Variants in SOX6 observed in about 807,000 individuals in gnomAD.
SOX6 encodes SRY-box transcription factor 6.
Under a neutral mutation model 97.8 loss-of-function variants are expected in SOX6, and 11 were observed. That is an observed-to-expected ratio of 0.11 (90% confidence interval 0.07 to 0.19). The LOEUF (loss-of-function observed/expected upper bound fraction) is 0.19. SOX6 is among the 10% of genes least tolerant of loss of function. The probability of loss-of-function intolerance (pLI) is 1.00; values close to 1 mark genes in which losing one functional copy is unlikely to be tolerated. For missense variants in SOX6, 810 were observed against 1,039.5 expected, an observed-to-expected ratio of 0.78 and a Z score of 3.04; for synonymous variants, 360 against 371.4, an observed-to-expected ratio of 0.97 and a Z score of 0.35.
intron 3 of SOX6, among the ~76,000 whole-genome samples, chr11:16,656,335 C>T (rs772173697): frequency 3.9e-5 from 6 of 152,114 alleles, no homozygotes; most frequent in Non-Finnish European, 7.3e-5. Flanking sequence ...CTCGGCCTCC[C>T]AAAGTGCTGG....
intron 4 of SOX6, among the ~76,000 whole-genome samples, chr11:16,587,470 TAGGTAC>T (rs1202663560): frequency 6.6e-6 from 1 of 152,220 alleles, no homozygotes; most frequent in Non-Finnish European, 1.5e-5. Context: ...AAATAGTATA[TAGGTAC>T]TATTATTATC....
At chr11:16,036,010 T>C (rs1008099071) in intron 12 of SOX6, among the ~76,000 whole-genome samples, 8 of 152,038 alleles carry the variant, frequency 5.3e-5, no homozygotes, top group African/African-American at 1.7e-4. Context: ...TCACTTCTGT[T>C]TCTTCATCTA....
chr11:16,136,007 A>C (rs142587117), intron 6 of SOX6, among the ~76,000 whole-genome samples: 44 of 152,266 alleles, frequency 2.9e-4, no homozygotes, highest in Non-Finnish European at 5.7e-4. Context: ...TGACTTGCTG[A>C]AGGCTCAAAT....
At chr11:16,079,535 A>T (rs1193669986) in intron 9 of SOX6, among the ~76,000 whole-genome samples, 1 of 152,176 alleles carries the variant, frequency 6.6e-6, no homozygotes, top group Non-Finnish European at 1.5e-5. Context: ...AAATAATAAT[A>T]CATAGATTTA....
chr11:16,132,453 A>AAAG (rs1849831358), intron 6 of SOX6, among the ~76,000 whole-genome samples: 1 of 113,878 alleles, frequency 8.8e-6, no homozygotes, highest in African/African-American at 3.6e-5. Context: ...AAAAAGAAAG[A>AAAG]AAGAAAGAAA....
chr11:16,673,008 G>A lies in SOX6; in HGVS notation n.429+41822C>T, dbSNP rs141042796. Among the ~76,000 whole-genome samples, 88 of 152,236 alleles carry A rather than the reference G, an allele frequency of 5.8e-4. 1 individual carries two copies. Among genetic ancestry groups the A allele is most frequent in the African/African-American group, 2.0e-3 (82 of 41,514 alleles). On this transcript the variant is annotated intron_variant and non_coding_transcript_variant, in intron 3 of 5. Transcript: ENST00000524520. ...CTAAATATATACACAGCAGGCGGAG[G>A]TTGCAGTTAGCTGAGATCATGCCAC...
intron 1 of SOX6, among the ~76,000 whole-genome samples, chr11:16,415,001 T>C (rs1359629276): frequency 6.6e-6 from 1 of 152,180 alleles, no homozygotes; most frequent in African/African-American, 2.4e-5. Context: ...ATATTCACAA[T>C]GTATGAATAA....
chr11:16,055,699 T>A, intron 10 of SOX6, 53 bp downstream of exon 10: 2 of 1,611,532 alleles, frequency 1.2e-6, no homozygotes, highest in East Asian at 4.5e-5. Context: ...TCACTATCTT[T>A]CTTGTGAAAC....
At chr11:16,053,082 C>T (rs78900531) in intron 10 of SOX6, among the ~76,000 whole-genome samples, 1,971 of 152,212 alleles carry the variant, frequency 0.013, 41 homozygotes, top group African/African-American at 0.045. Context: ...CTCACAAATT[C>T]CATCTGCATT....
intron 13 of SOX6, among the ~76,000 whole-genome samples, chr11:15,993,384 T>G (rs960265161): frequency 6.6e-6 from 1 of 152,216 alleles, no homozygotes; most frequent in Non-Finnish European, 1.5e-5. Context: ...CATAATTCTA[T>G]GAGGCAGCTT....
At chr11:16,594,288 A>G (rs1589999047) in intron 4 of SOX6, among the ~76,000 whole-genome samples, 1 of 152,342 alleles carries the variant, frequency 6.6e-6, no homozygotes, top group Middle Eastern at 3.4e-3. Flanking sequence ...TTCAGTGTAC[A>G]TGAGCCCACA....
Position 16,569,868 on chromosome 11 carries a change from C to CAAAAAAAAAAAAAAAAAAAAAAA in SOX6, n.609+42212_609+42213insTTTTTTTTTTTTTTTTTTTTTTT, listed in dbSNP as rs34604334. On this transcript the variant is annotated intron_variant and non_coding_transcript_variant, in intron 4 of 5. Transcript: ENST00000524520. ...TGGGTGACTGATCAAGACTCCGTCT[C>CAAAAAAAAAAAAAAAAAAAAAAA]AAAAAAAAAAAAAAAAAGATATACT... is the stretch of plus-strand genomic sequence containing the variant. Among the ~76,000 whole-genome samples the CAAAAAAAAAAAAAAAAAAAAAAA allele has an allele frequency of 2.0e-3, 169 of 84,706 alleles. 10 individuals are homozygous for CAAAAAAAAAAAAAAAAAAAAAAA. Among genetic ancestry groups the CAAAAAAAAAAAAAAAAAAAAAAA allele is most frequent in the African/African-American group, 6.7e-3 (107 of 16,078 alleles). 55.6% of individuals were successfully genotyped at this position (84,706 alleles called of 152,430 possible). A position where few individuals can be genotyped will look rare whatever the true frequency, so the allele number is the denominator to read the frequency against.
intron 12 of SOX6, among the ~76,000 whole-genome samples, chr11:16,031,721 G>A (rs1167273589): frequency 2.6e-5 from 4 of 152,048 alleles, no homozygotes; most frequent in Admixed American, 2.6e-4. Context: ...AGGAGAGAGG[G>A]AGGGTGGAAA....
chr11:16,659,721 T>C (rs1159783995), intron 3 of SOX6, among the ~76,000 whole-genome samples: 3 of 152,164 alleles, frequency 2.0e-5, no homozygotes, highest in Non-Finnish European at 4.4e-5. Context: ...TTTTTTTCTT[T>C]TTTCACTGGT....
rs1853348441 is a variant in SOX6 at position 15,972,592 on chromosome 11, TA to T, written c.*216del. ...ATATTTAATATGTCTTCACCTAAAT[TA>T]AAAAAACAACAACAACAACAATAAC... On this transcript the variant is annotated 3_prime_UTR_variant, in exon 16 of 16. Coordinates refer to ENST00000683767, the MANE Select transcript of SOX6 (RefSeq NM_001367873.1). 6.8e-6 allele frequency: 4 copies of T among 588,386 alleles called. No homozygotes were observed. The highest frequency in any genetic ancestry group is 1.9e-5 in the African/African-American group (1 of 53,580). 36.4% of individuals were successfully genotyped at this position (588,386 alleles called of 1,614,324 possible). A position where few individuals can be genotyped will look rare whatever the true frequency, so the allele number is the denominator to read the frequency against.
chr11:16,549,306 A>G (rs1039460642), intron 4 of SOX6, among the ~76,000 whole-genome samples: 2 of 152,162 alleles, frequency 1.3e-5, no homozygotes, highest in Non-Finnish European at 2.9e-5. Context: ...AATAGCTGGT[A>G]TTACAGGCAT....
At chr11:16,628,942 G>T (rs1848665320) in intron 3 of SOX6, among the ~76,000 whole-genome samples, 1 of 152,126 alleles carries the variant, frequency 6.6e-6, no homozygotes, top group Admixed American at 6.6e-5. Context: ...TTTGTATGTT[G>T]ATTTTGTATC....
chr11:16,497,040 G>T (rs117563748), intron 4 of SOX6, among the ~76,000 whole-genome samples: 1 of 152,092 alleles, frequency 6.6e-6, no homozygotes, highest in Non-Finnish European at 1.5e-5. Context: ...TCTCTGACAC[G>T]CGAGTAGCCT....
intron 6 of SOX6, among the ~76,000 whole-genome samples, chr11:16,127,267 C>T (rs1448866200): frequency 6.6e-6 from 1 of 151,898 alleles, no homozygotes; most frequent in East Asian, 1.9e-4. Context: ...ATTACTTGCT[C>T]CAAGTTAATA....
Sources: allele counts gnomAD v4.1 joint callset (sites outside exome capture counted in the v4.1 genomes callset), GRCh38; gene constraint gnomAD v4.1.1; transcripts MANE v1.5; gene names NCBI Gene and HGNC (gene_info 2026-07-23, HGNC 2026-07-21).